Variants in SLC9A9 observed in about 807,000 individuals in gnomAD.
SLC9A9 encodes solute carrier family 9 member A9, also known as sodium/hydrogen exchanger 9.
SLC9A9 carries 62 observed loss-of-function variants against 77.8 expected under a neutral mutation model. The ratio of observed to expected loss-of-function variants is 0.80; its 90% confidence interval spans 0.65 to 0.98. The LOEUF (loss-of-function observed/expected upper bound fraction) is 0.98, where lower values mean the gene tolerates loss of function less well. Ranked by LOEUF, SLC9A9 falls within the 50% of genes least tolerant of loss-of-function variation. SLC9A9 has a pLI of 0.00. For synonymous variants in SLC9A9, 320 were observed against 283.5 expected, an observed-to-expected ratio of 1.13 and a Z score of -1.29; for missense variants, 775 against 774.9, an observed-to-expected ratio of 1.00 and a Z score of 0.00.
At chr3:143,644,082 A>C (rs1048648222) in intron 6 of SLC9A9, among the ~76,000 whole-genome samples, 7 of 152,190 alleles carry the variant, frequency 4.6e-5, no homozygotes, top group African/African-American at 1.7e-4. Flanking sequence ...ACTCAGAGAC[A>C]ATCGGGGCCA....
chr3:143,676,886 T>A (rs1429905230), intron 5 of SLC9A9, among the ~76,000 whole-genome samples: 1 of 152,256 alleles, frequency 6.6e-6, no homozygotes, highest in African/African-American at 2.4e-5. Flanking sequence ...GGGAGTTCTT[T>A]TACTACTTGT....
intron 8 of SLC9A9, among the ~76,000 whole-genome samples, chr3:143,565,440 T>G (rs985417825): frequency 1.3e-5 from 2 of 152,142 alleles, no homozygotes; most frequent in African/African-American, 2.4e-5. Context: ...CTGAAAACAT[T>G]TACAATGAAG....
chr3:143,567,067 C>T (rs369624540), intron 8 of SLC9A9, among the ~76,000 whole-genome samples: 9 of 152,130 alleles, frequency 5.9e-5, no homozygotes, highest in Admixed American at 5.9e-4. Flanking sequence ...GAAAACAGGC[C>T]TCTGCACAAG....
chr3:143,355,828 T>C (rs1009791634), intron 14 of SLC9A9, among the ~76,000 whole-genome samples: 1 of 152,212 alleles, frequency 6.6e-6, no homozygotes, highest in Non-Finnish European at 1.5e-5. Context: ...GAGAAAATAA[T>C]AAATGTATTG....
At chr3:143,581,905 G>A (rs572562489) in intron 6 of SLC9A9, among the ~76,000 whole-genome samples, 1 of 152,300 alleles carries the variant, frequency 6.6e-6, no homozygotes, top group African/African-American at 2.4e-5. Context: ...TTTCCTGCCT[G>A]GCTTTTCTGA....
chr3:143,806,478 T>C (rs1233704537), intron 2 of SLC9A9, among the ~76,000 whole-genome samples: 1 of 152,154 alleles, frequency 6.6e-6, no homozygotes, highest in Non-Finnish European at 1.5e-5. Flanking sequence ...CCTCTGCCAG[T>C]GCCTAGCAAA....
intron 1 of SLC9A9, among the ~76,000 whole-genome samples, chr3:143,842,222 C>T (rs1275581303): frequency 1.3e-5 from 2 of 152,012 alleles, no homozygotes; most frequent in Non-Finnish European, 2.9e-5. Context: ...CTACTAAAAA[C>T]ACAAAAAAGT....
intron 13 of SLC9A9, among the ~76,000 whole-genome samples, chr3:143,374,762 T>A (rs2033143260): frequency 1.3e-5 from 2 of 152,318 alleles, no homozygotes; most frequent in Admixed American, 1.3e-4. Flanking sequence ...CTTACATTTA[T>A]CCTTTGAATT....
chr3:143,464,173 G>A (rs7619251), intron 12 of SLC9A9, among the ~76,000 whole-genome samples: 25,871 of 152,116 alleles, frequency 0.17, 3,586 homozygotes, highest in African/African-American at 0.38. Context: ...TTCTCCATTT[G>A]TGTGATTTTA....
chr3:143,564,379 G>A (rs13098869), intron 8 of SLC9A9, among the ~76,000 whole-genome samples: 4,316 of 152,200 alleles, frequency 0.028, 103 homozygotes, highest in Middle Eastern at 0.044. Flanking sequence ...TGCATTTTTG[G>A]ACAGGAATAT....
intron 6 of SLC9A9, among the ~76,000 whole-genome samples, chr3:143,607,014 C>T (rs1264947785): frequency 2.0e-5 from 3 of 151,218 alleles, no homozygotes; most frequent in African/African-American, 4.9e-5. Flanking sequence ...AAATATCAAC[C>T]AGAGAGAAAA....
At chr3:143,579,117 T>C (rs1052821536) in intron 6 of SLC9A9, among the ~76,000 whole-genome samples, 28 of 152,220 alleles carry the variant, frequency 1.8e-4, no homozygotes, top group African/African-American at 6.5e-4. Flanking sequence ...TGATAAAAAG[T>C]GCACTTTTAT....
chr3:143,708,596 C>G (rs952178048), intron 4 of SLC9A9, among the ~76,000 whole-genome samples: 2 of 152,344 alleles, frequency 1.3e-5, no homozygotes, highest in South Asian at 4.1e-4. Context: ...TCTCTATTCA[C>G]TGACCAGTTT....
chr3:143,391,850 A>G (rs1038168649), intron 12 of SLC9A9, among the ~76,000 whole-genome samples: 1 of 152,242 alleles, frequency 6.6e-6, no homozygotes, highest in Non-Finnish European at 1.5e-5. Context: ...AAAAGGTATC[A>G]GTGATTGAAG....
At chr3:143,486,727 T>C (rs2035658296) in intron 11 of SLC9A9, among the ~76,000 whole-genome samples, 1 of 152,054 alleles carries the variant, frequency 6.6e-6, no homozygotes. Flanking sequence ...ATGTTACAGC[T>C]TTAGGATCTT....
chr3:143,272,599 T>C (rs1937928270), intron 14 of SLC9A9, among the ~76,000 whole-genome samples: 1 of 152,196 alleles, frequency 6.6e-6, no homozygotes, highest in South Asian at 2.1e-4. Flanking sequence ...GAGTTCTTCA[T>C]TGCTGAGCAA....
intron 2 of SLC9A9, among the ~76,000 whole-genome samples, chr3:143,820,822 AT>A (rs56293110): frequency 1.4e-4 from 21 of 151,460 alleles, no homozygotes; most frequent in African/African-American, 4.4e-4. Flanking sequence ...AATATTGGCT[AT>A]TTTTTTTATT....
chr3:143,707,192 C>T (rs1934006354), intron 4 of SLC9A9, among the ~76,000 whole-genome samples: 1 of 152,138 alleles, frequency 6.6e-6, no homozygotes, highest in African/African-American at 2.4e-5. Flanking sequence ...TAGCTGTCTT[C>T]TGTCCTGTAG....
chr3:143,475,021 C>T (rs999759938), intron 11 of SLC9A9, among the ~76,000 whole-genome samples: 17 of 150,988 alleles, frequency 1.1e-4, no homozygotes, highest in Middle Eastern at 3.2e-3. Flanking sequence ...TGCAGTGGCA[C>T]GATCTCAGCT....
Sources: allele counts gnomAD v4.1 joint callset (sites outside exome capture counted in the v4.1 genomes callset), GRCh38; gene constraint gnomAD v4.1.1; transcripts MANE v1.5; gene names NCBI Gene and HGNC (gene_info 2026-07-23, HGNC 2026-07-21).